Variants in COL4A1 observed in about 807,000 individuals in gnomAD.
COL4A1 encodes collagen alpha-1(IV) chain.
COL4A1 carries 40 observed loss-of-function variants against 216.6 expected under a neutral mutation model. That is an observed-to-expected ratio of 0.18 (90% CI 0.14 to 0.24). The LOEUF is 0.24. Ranked by LOEUF, COL4A1 falls within the 10% of genes least tolerant of loss-of-function variation. The pLI is 1.00. For missense variants in COL4A1, 1,628 were observed against 2,196.8 expected, an observed-to-expected ratio of 0.74 and a Z score of 5.18; for synonymous variants, 839 against 810.7, an observed-to-expected ratio of 1.03 and a Z score of -0.59.
chr13:110,152,501 G>A lies in COL4A1; in HGVS notation c.4761C>T (p.Thr1587=), dbSNP rs1194255966. The A allele has an allele frequency of 6.2e-7, 1 of 1,611,404 alleles. No individual in the cohort carries two copies. The highest frequency in any genetic ancestry group is 1.3e-5 in the African/African-American group (1 of 75,018). The part of the protein sequence containing the change: ...LWIGYSFVMH[T]SAGAEGSGQA... The stretch of plus-strand genomic sequence containing the variant: ...GGCCAGAGCCTTCTGCACCAGCGCT[G>A]GTGTGCTGCAGAACAGATGCGAGCC... Residue 1587 remains threonine (T), a synonymous_variant, in exon 51 of 52, where the codon ACC becomes ACT. Coordinates refer to ENST00000375820, the MANE Select transcript of COL4A1 (RefSeq NM_001845.6).
At chr13:110,177,785 C>T (rs1877949089) in intron 33 of COL4A1, 57 bp downstream of exon 33, 3 of 1,565,442 alleles carry the variant, frequency 1.9e-6, no homozygotes, top group Admixed American at 3.3e-5. Context: ...GAGAATTTCC[C>T]AAGTGGCATC....
rs368150613 is a variant in COL4A1, at chr13:110,163,478, G to A, written c.4234C>T (p.Pro1412Ser). 18 of 1,613,988 alleles carry A rather than the reference G, an allele frequency of 1.1e-5. No homozygotes were observed. Among genetic ancestry groups the A allele is most frequent in the East Asian group, 1.1e-4 (5 of 44,884 alleles). ...GAPGQKGEMG[P>S]AGPTGPRGFP... is the part of the protein sequence containing the mutation. The stretch of plus-strand genomic sequence containing the variant: ...CGCAACCTACCAGTAGGCCCGGCAG[G>A]TCCCATCTCTCCTTTCTGGCCAGGG... The change falls in exon 47 of 52, where the codon CCT becomes TCT. Residue 1412 changes from proline (P) to serine (S), a missense_variant. This residue lies in a region of COL4A1 where 345 missense variants were observed against 476.9 expected (regional missense o/e 0.72). Coordinates refer to ENST00000375820, the MANE Select transcript of COL4A1 (RefSeq NM_001845.6).
At chr13:110,179,147 C>A (rs1162026109) in intron 30 of COL4A1, 111 bp from the exon 31 acceptor site, 1 of 1,543,748 alleles carries the variant, frequency 6.5e-7, no homozygotes, top group East Asian at 2.2e-5. Flanking sequence ...GAGCTCTAGG[C>A]CTCTAAGATT....
chr13:110,181,347 G>C lies in COL4A1; in HGVS notation c.2138C>G (p.Pro713Arg). 6.8e-6 allele frequency: 11 copies of C among 1,613,900 alleles called. No individual in the cohort carries two copies. Among genetic ancestry groups the C allele is most frequent in the Non-Finnish European group, 9.3e-6 (11 of 1,179,934 alleles). ...TAAGCCATTAAATCCCGGGCGACCT[G>C]GAGTCCCCGGTGGCCCCATGTCTCC... ...LPGDMGPPGT[P>R]GRPGFNGLPG... The change falls in exon 29 of 52, where the codon CCA becomes CGA. Residue 713 changes from proline to arginine, a missense_variant. Pro to Arg is a moderately radical substitution (Grantham distance 103). Coordinates refer to ENST00000375820, the MANE Select transcript of COL4A1 (RefSeq NM_001845.6).
intron 49 of COL4A1, among the ~76,000 whole-genome samples, chr13:110,157,878 C>T (rs1234917588): frequency 1.3e-5 from 2 of 152,174 alleles, no homozygotes; most frequent in African/African-American, 4.8e-5. Flanking sequence ...CTCAGACACA[C>T]AGCTTCTCTG....
chr13:110,260,659 T>C (rs1310284526), intron 1 of COL4A1, among the ~76,000 whole-genome samples: 1 of 152,158 alleles, frequency 6.6e-6, no homozygotes, highest in Admixed American at 6.5e-5. Flanking sequence ...GTACTGAGTC[T>C]CAGTTTTGCA....
At chr13:110,212,327 C>G in intron 6 of COL4A1, 90 bp downstream of exon 6, 1 of 1,489,644 alleles carries the variant, frequency 6.7e-7, no homozygotes, top group South Asian at 1.1e-5. Context: ...GCAAATAAAA[C>G]TCTATTAACA....
At chr13:110,282,907 G>A (rs911327207) in intron 1 of COL4A1, among the ~76,000 whole-genome samples, 2 of 152,114 alleles carry the variant, frequency 1.3e-5, no homozygotes, top group East Asian at 1.9e-4. Flanking sequence ...CGTGGCCATC[G>A]GAACATTGCC....
At chr13:110,178,343 C>T (rs1030401757) in intron 31 of COL4A1, 112 bp from the exon 32 acceptor site, 5 of 1,318,644 alleles carry the variant, frequency 3.8e-6, no homozygotes, top group African/African-American at 2.9e-5. Flanking sequence ...AGCACGCCCA[C>T]ACTGGGAACT....
intron 43 of COL4A1, among the ~76,000 whole-genome samples, chr13:110,167,538 G>T (rs1311157153): frequency 6.6e-6 from 1 of 152,162 alleles, no homozygotes; most frequent in Non-Finnish European, 1.5e-5. Context: ...ACAGCACGAT[G>T]CCATAGACAG....
chr13:110,210,537 T>G (rs1443500322), intron 8 of COL4A1, among the ~76,000 whole-genome samples: 4 of 152,160 alleles, frequency 2.6e-5, no homozygotes. Flanking sequence ...GAAAGACTAC[T>G]GCGTGACCAC....
chr13:110,176,692 G>A lies in COL4A1; in HGVS notation c.2902C>T (p.Arg968Ter), dbSNP rs1877904298. ...ACTCCTGGGGTCCCAGGGTCTCCTC[G>A]GGATCCCTTCTCACCAATTGGTCCA... ...QIGPIGEKGSRGDPGTPGVPG... is the reference protein window; with the variant it reads ...QIGPIGEKGS The change falls in exon 35 of 52, where the codon CGA (arginine) becomes TGA (stop). Residue 968 changes from arginine to a stop codon, truncating the protein, a stop_gained. Coordinates refer to ENST00000375820, the MANE Select transcript of COL4A1 (RefSeq NM_001845.6). LOFTEE classifies it high-confidence loss of function. 6.2e-7 allele frequency: 1 copy of A among 1,614,090 alleles called. No individual in the cohort carries two copies.
At chr13:110,296,610 C>G (rs1232181877) in intron 1 of COL4A1, among the ~76,000 whole-genome samples, 1 of 152,220 alleles carries the variant, frequency 6.6e-6, no homozygotes, top group South Asian at 2.1e-4. Context: ...AGCAAGCAAT[C>G]ATTTCTTCAG....
chr13:110,208,538 A>G (rs188652188), intron 12 of COL4A1, among the ~76,000 whole-genome samples: 8 of 152,318 alleles, frequency 5.3e-5, no homozygotes, highest in Admixed American at 1.3e-4. Context: ...AATTTGACTC[A>G]TAAATCCTAG....
intron 42 of COL4A1, 134 bp downstream of exon 42, chr13:110,170,413 T>A: frequency 1.0e-6 from 1 of 992,852 alleles, no homozygotes; most frequent in Non-Finnish European, 1.5e-6. Flanking sequence ...CAAACACAAT[T>A]TCAAGCTGTA....
At chr13:110,279,550 G>A (rs949301192) in intron 1 of COL4A1, among the ~76,000 whole-genome samples, 1 of 152,072 alleles carries the variant, frequency 6.6e-6, no homozygotes, top group Non-Finnish European at 1.5e-5. Flanking sequence ...TCTTTTGGGG[G>A]GCTGGAGGAC....
intron 1 of COL4A1, among the ~76,000 whole-genome samples, chr13:110,243,905 C>A (rs994352304): frequency 6.6e-6 from 1 of 152,170 alleles, no homozygotes; most frequent in Non-Finnish European, 1.5e-5. Flanking sequence ...AAATTGTCAT[C>A]ACATGAAAAG....
rs1881615723 is a variant in COL4A1, at chr13:110,242,623, C to T, written c.144+52G>A. ...TTATTCGGTTACTGTTAATGTAGTA[C>T]TTACTGTCCAATTCACAAAGAAATG... On this transcript the variant is annotated intron_variant, in intron 2 of 51. Transcript: ENST00000375820. The T allele has an allele frequency of 3.8e-6, 6 of 1,576,262 alleles. No homozygotes were observed. The South Asian group carries it at 5.5e-5, about 15-fold the overall frequency.
intron 2 of COL4A1, among the ~76,000 whole-genome samples, chr13:110,218,400 T>A (rs1319506813): frequency 6.6e-6 from 1 of 152,164 alleles, no homozygotes; most frequent in Admixed American, 6.5e-5. Flanking sequence ...TACTGAGCAC[T>A]GAGTGTACTG....
Sources: gnomAD v4.1 joint callset for allele counts (sites outside exome capture counted in the v4.1 genomes callset) on GRCh38, gnomAD v4.1.1 for gene constraint, gnomAD v4.1.1 regional missense constraint, MANE v1.5 for transcripts, NCBI Gene and HGNC (gene_info 2026-07-23, HGNC 2026-07-21) for gene names.